Variants in AP2B1 observed in about 807,000 individuals in gnomAD.
The protein encoded by AP2B1 is adaptor related protein complex 2 subunit beta 1, also known as AP-2 complex subunit beta.
In AP2B1, 23 loss-of-function variants were observed where a neutral mutation model predicts 102.0. That is an observed-to-expected ratio of 0.23 (90% CI 0.16 to 0.32). AP2B1 has a LOEUF of 0.32. Among genes scored for constraint, AP2B1 ranks in the 10% least tolerant of loss-of-function variants. The pLI, the probability that AP2B1 is intolerant of heterozygous loss-of-function variation, is 1.00. For synonymous variants in AP2B1, 381 were observed against 421.2 expected (o/e 0.90, Z 1.17); for missense variants, 541 against 1,157.4 (o/e 0.47, Z 7.73).
chr17:35,608,224 A>G lies in AP2B1; in HGVS notation c.362A>G (p.Tyr121Cys). ...ATCCGGGTAGACAAAATTACAGAAT[A>G]TCTCTGTGAGCCGCTCCGCAAGTGC... Reference protein sequence around the residue: ...GCIRVDKITEYLCEPLRKCLK... With the variant: ...GCIRVDKITECLCEPLRKCLK... The change falls in exon 5 of 22, where the codon TAT (tyrosine) becomes TGT (cysteine). Residue 121 changes from tyrosine (Y) to cysteine (C), a missense_variant. Tyr to Cys is a radical substitution (Grantham distance 194, BLOSUM62 -2). Around this residue, in one of 10 missense-constraint regions of AP2B1, gnomAD observed 28 missense variants for 98.3 expected, o/e 0.28. Coordinates refer to ENST00000610402, the MANE Select transcript of AP2B1 (RefSeq NM_001030006.2). The G allele has an allele frequency of 6.2e-7, 1 of 1,614,160 alleles. No homozygotes were observed. Among genetic ancestry groups the G allele is most frequent in the Non-Finnish European group, 8.5e-7 (1 of 1,180,028 alleles).
intron 11 of AP2B1, among the ~76,000 whole-genome samples, chr17:35,641,130 A>T (rs2074768331): frequency 6.6e-6 from 1 of 152,236 alleles, no homozygotes; most frequent in East Asian, 1.9e-4. Flanking sequence ...AATAGGCTGT[A>T]ATCTGACATA....
intron 13 of AP2B1, 87 bp from the exon 14 acceptor site, chr17:35,657,512 G>GCTATATATAA: frequency 1.9e-6 from 2 of 1,035,188 alleles, no homozygotes; most frequent in African/African-American, 1.6e-5. Context: ...GTTATATATA[G>GCTATATATAA]CTATATGTTT....
At chr17:35,616,630 C>T (rs992519625) in intron 5 of AP2B1, among the ~76,000 whole-genome samples, 1 of 152,178 alleles carries the variant, frequency 6.6e-6, no homozygotes, top group Non-Finnish European at 1.5e-5. Context: ...TGGGATGTTA[C>T]TATTAACCAA....
chr17:35,622,717 T>C (rs2074215098), intron 5 of AP2B1, among the ~76,000 whole-genome samples: 2 of 152,156 alleles, frequency 1.3e-5, no homozygotes, highest in Non-Finnish European at 2.9e-5. Context: ...CAAGCTGGAG[T>C]GCAGTGGCGT....
intron 17 of AP2B1, among the ~76,000 whole-genome samples, chr17:35,675,633 CTT>C (rs1199828767): frequency 1.1e-4 from 15 of 137,656 alleles, no homozygotes; most frequent in Admixed American, 1.5e-4. Context: ...TTTTTTTTTC[CTT>C]TTTTTTTTTT....
chr17:35,591,501 G>C (rs2073100920), intron 1 of AP2B1, among the ~76,000 whole-genome samples: 1 of 152,172 alleles, frequency 6.6e-6, no homozygotes, highest in Non-Finnish European at 1.5e-5. Context: ...GTATGTATAA[G>C]AGGCTTTTCA....
At chr17:35,608,505 T>A in intron 5 of AP2B1, 118 bp downstream of exon 5, 1 of 1,211,820 alleles carries the variant, frequency 8.3e-7, no homozygotes, top group Non-Finnish European at 1.2e-6. Context: ...ATGGGAAACA[T>A]GACTTTGTGT....
intron 18 of AP2B1, among the ~76,000 whole-genome samples, chr17:35,692,897 T>C (rs1234248693): frequency 6.6e-6 from 1 of 152,162 alleles, no homozygotes; most frequent in Non-Finnish European, 1.5e-5. Context: ...AAAATCAGTG[T>C]GTACATGAAT....
chr17:35,612,587 C>A (rs1011273710), intron 5 of AP2B1, among the ~76,000 whole-genome samples: 2 of 152,172 alleles, frequency 1.3e-5, no homozygotes, highest in Non-Finnish European at 2.9e-5. Flanking sequence ...CTTTTACTTA[C>A]AATGTTTCAC....
At chr17:35,641,084 C>G (rs2074766552) in intron 11 of AP2B1, among the ~76,000 whole-genome samples, 1 of 152,156 alleles carries the variant, frequency 6.6e-6, no homozygotes, top group African/African-American at 2.4e-5. Flanking sequence ...GGAGTATGTA[C>G]AAGTCAATAG....
chr17:35,609,258 C>G (rs1423780263), intron 5 of AP2B1, among the ~76,000 whole-genome samples: 1 of 152,076 alleles, frequency 6.6e-6, no homozygotes, highest in Non-Finnish European at 1.5e-5. Context: ...AGTCATAGCT[C>G]ACTGTAACTT....
At chr17:35,590,659 C>CT (rs1377973298) in intron 1 of AP2B1, among the ~76,000 whole-genome samples, 1 of 152,146 alleles carries the variant, frequency 6.6e-6, no homozygotes, top group Non-Finnish European at 1.5e-5. Context: ...AATTTAGAAT[C>CT]TATCTTATAG....
Position 35,607,320 on chromosome 17 carries a change from A to G in AP2B1, c.280-822A>G, listed in dbSNP as rs60582120. Among the ~76,000 whole-genome samples, 1,511 of 152,282 alleles carry G rather than the reference A, an allele frequency of 9.9e-3. 25 individuals carry two copies. The highest frequency in any genetic ancestry group is 0.034 in the African/African-American group (1,404 of 41,542). On this transcript the variant is annotated intron_variant, in intron 4 of 21. Transcript: ENST00000610402. ...TAAAATGTTTTGAAAAATAAGCAAT[A>G]TGCTTTCTTCTTTCTCATGAACTTT...
chr17:35,692,774 A>G (rs919630245), intron 18 of AP2B1, among the ~76,000 whole-genome samples: 2 of 152,186 alleles, frequency 1.3e-5, no homozygotes, highest in African/African-American at 2.4e-5. Flanking sequence ...CCATGTGACC[A>G]TGTACACATA....
At chr17:35,718,918 C>G (rs2085270295) in intron 21 of AP2B1, among the ~76,000 whole-genome samples, 1 of 152,086 alleles carries the variant, frequency 6.6e-6, no homozygotes, top group Non-Finnish European at 1.5e-5. Context: ...AGTTCAAGAT[C>G]ATGTAATTTG....
chr17:35,685,761 C>T (rs2075916931), intron 18 of AP2B1, among the ~76,000 whole-genome samples: 1 of 152,054 alleles, frequency 6.6e-6, no homozygotes. Context: ...AGATACCATT[C>T]ATTCTTTTTT....
chr17:35,600,349 G>C (rs573160233), intron 3 of AP2B1, among the ~76,000 whole-genome samples: 1 of 152,092 alleles, frequency 6.6e-6, no homozygotes, highest in Admixed American at 6.5e-5. Flanking sequence ...TCACAAAACT[G>C]CTGGGATTAC....
chr17:35,672,516 G>A (rs1024466005), intron 16 of AP2B1, among the ~76,000 whole-genome samples: 5 of 152,156 alleles, frequency 3.3e-5, no homozygotes, highest in Middle Eastern at 3.2e-3. Context: ...CCTTTCTGAG[G>A]ACCAATTTGG....
intron 20 of AP2B1, among the ~76,000 whole-genome samples, chr17:35,715,680 TC>T: frequency 6.6e-6 from 1 of 152,232 alleles, no homozygotes; most frequent in Admixed American, 6.5e-5. Flanking sequence ...AACTGCCTCA[TC>T]CCCCACAAGG....
Sources: gnomAD v4.1 joint callset for allele counts (sites outside exome capture counted in the v4.1 genomes callset) on GRCh38, gnomAD v4.1.1 for gene constraint, gnomAD v4.1.1 regional missense constraint, MANE v1.5 for transcripts, NCBI Gene and HGNC (gene_info 2026-07-23, HGNC 2026-07-21) for gene names.